The following ZSCAN5A variants were observed in gnomAD, a reference collection of about 807,000 sequenced individuals.
ZSCAN5A encodes zinc finger and SCAN domain-containing protein 5A.
Under a neutral mutation model 23.7 loss-of-function variants are expected in ZSCAN5A, and 12 were observed. That is an observed-to-expected ratio of 0.51 (90% CI 0.32 to 0.82). ZSCAN5A has a LOEUF of 0.82. Among genes scored for constraint, ZSCAN5A ranks in the 40% least tolerant of loss-of-function variants. The pLI, the probability that ZSCAN5A is intolerant of heterozygous loss-of-function variation, is 0.03. For synonymous variants in ZSCAN5A, 257 were observed against 239.9 expected, an observed-to-expected ratio of 1.07 and a Z score of -0.66; for missense variants, 597 against 617.9, an observed-to-expected ratio of 0.97 and a Z score of 0.36.
chr19:56,263,431 T>C (rs2037256853), intron 2 of ZSCAN5A: 3 of 152,260 alleles, frequency 2.0e-5, no homozygotes, highest in Admixed American at 2.0e-4. Flanking sequence ...CTTCCTTTCA[T>C]CTCCAAGCCA....
At chr19:56,325,189 TTATTA>T (rs2041421571) in intron 2 of ZSCAN5A, among the ~76,000 whole-genome samples, 1 of 152,248 alleles carries the variant, frequency 6.6e-6, no homozygotes, top group African/African-American at 2.4e-5. Context: ...ATCCATTTGC[TTATTA>T]TATAATTTGC....
At chr19:56,316,319 G>A (rs2041312030), upstream of ZSCAN5A, 1 of 152,180 alleles carries the variant, frequency 6.6e-6, no homozygotes, top group African/African-American at 2.4e-5. Context: ...GGTTAATTTC[G>A]GTGCTAAAAT....
intron 2 of ZSCAN5A, among the ~76,000 whole-genome samples, chr19:56,292,225 T>A (rs2039556787): frequency 6.6e-6 from 1 of 152,200 alleles, no homozygotes; most frequent in Admixed American, 6.5e-5. Flanking sequence ...GTAACATACA[T>A]CTTTTAAAAA....
chr19:56,232,576 T>C (rs1281332362), intron 2 of ZSCAN5A, among the ~76,000 whole-genome samples: 1 of 152,176 alleles, frequency 6.6e-6, no homozygotes, highest in Admixed American at 6.5e-5. Context: ...CAACTACCAG[T>C]ACTCATGGGC....
intron 2 of ZSCAN5A, among the ~76,000 whole-genome samples, chr19:56,336,735 A>G (rs1187712666): frequency 1.3e-5 from 2 of 151,956 alleles, no homozygotes; most frequent in Non-Finnish European, 2.9e-5. Flanking sequence ...TTGGTCTTTG[A>G]TGATGGTGAC....
At chr19:56,306,221 AG>A (rs1215358907) in intron 2 of ZSCAN5A, among the ~76,000 whole-genome samples, 2 of 152,234 alleles carry the variant, frequency 1.3e-5, no homozygotes, top group African/African-American at 4.8e-5. Flanking sequence ...CAGGGTACGG[AG>A]AGAAAGTACG....
chr19:56,226,125 G>T (rs536486511), intron 2 of ZSCAN5A, among the ~76,000 whole-genome samples: 6 of 152,198 alleles, frequency 3.9e-5, no homozygotes, highest in Middle Eastern at 3.4e-3. Flanking sequence ...GACACAGGTG[G>T]GGGAAGCAAC....
intron 2 of ZSCAN5A, among the ~76,000 whole-genome samples, chr19:56,243,078 C>T (rs986328533): frequency 6.6e-6 from 1 of 152,118 alleles, no homozygotes; most frequent in African/African-American, 2.4e-5. Flanking sequence ...CACACCTGGC[C>T]TCAAAAAATC....
Position 56,261,384 on chromosome 19 carries a change from T to C in ZSCAN5A, c.-127-36211A>G, listed in dbSNP as rs184044810. Reference sequence around the variant, plus strand: ...GCATCTAATCTGCCTCCATTAATCATGGAGGACTTCCTGAAGGAAGTGACA... The same window carrying C: ...GCATCTAATCTGCCTCCATTAATCACGGAGGACTTCCTGAAGGAAGTGACA... On this transcript the variant is annotated intron_variant, in intron 2 of 5. Coordinates refer to ENST00000683990, the MANE Select transcript of ZSCAN5A (RefSeq NM_001322064.3). Among the ~76,000 whole-genome samples, 286 of 152,226 alleles carry C rather than the reference T, an allele frequency of 1.9e-3. 1 individual carries two copies. Among genetic ancestry groups the C allele is most frequent in the Non-Finnish European group, 3.5e-3 (241 of 68,008 alleles).
At chr19:56,223,109 G>C (rs2011848) in intron 4 of ZSCAN5A, among the ~76,000 whole-genome samples, 95,034 of 151,912 alleles carry the variant, frequency 0.63, 30,576 homozygotes, top group Middle Eastern at 0.75. Flanking sequence ...GCATCACCCT[G>C]CTGGAGGGGG....
intron 2 of ZSCAN5A, among the ~76,000 whole-genome samples, chr19:56,241,506 C>T (rs1043742381): frequency 6.6e-6 from 1 of 152,202 alleles, no homozygotes; most frequent in Non-Finnish European, 1.5e-5. Context: ...GCATAATGTG[C>T]TTTGTAGGAT....
intron 2 of ZSCAN5A, among the ~76,000 whole-genome samples, chr19:56,349,463 G>C (rs1228456640): frequency 2.0e-5 from 3 of 152,226 alleles, no homozygotes; most frequent in Non-Finnish European, 4.4e-5. Flanking sequence ...TTGGGAGGCC[G>C]AGACGGGCGG....
intron 2 of ZSCAN5A, among the ~76,000 whole-genome samples, chr19:56,258,373 C>T (rs1181218090): frequency 7.6e-6 from 1 of 132,240 alleles, no homozygotes; most frequent in Non-Finnish European, 1.5e-5. Flanking sequence ...AAGGTCTCAC[C>T]TTCCAGTGTG....
intron 2 of ZSCAN5A, among the ~76,000 whole-genome samples, chr19:56,322,498 G>C (rs2041387109): frequency 6.6e-6 from 1 of 152,154 alleles, no homozygotes; most frequent in Non-Finnish European, 1.5e-5. Flanking sequence ...GTAATACTGG[G>C]GGCAAAATAT....
chr19:56,279,928 A>G (rs1457345952), intron 2 of ZSCAN5A, among the ~76,000 whole-genome samples: 1 of 151,998 alleles, frequency 6.6e-6, no homozygotes, highest in Non-Finnish European at 1.5e-5. Context: ...TTAAATTACT[A>G]ATTAATTATT....
intron 2 of ZSCAN5A, among the ~76,000 whole-genome samples, chr19:56,267,303 C>T (rs2037545172): frequency 6.6e-6 from 1 of 152,158 alleles, no homozygotes; most frequent in Non-Finnish European, 1.5e-5. Context: ...GCATCCCCAA[C>T]ACCGAGACTG....
chr19:56,224,376 T>C (rs1230738235), intron 3 of ZSCAN5A: 4 of 475,894 alleles, frequency 8.4e-6, no homozygotes, highest in African/African-American at 3.9e-5. Context: ...CCTGTCCATC[T>C]CCTACACCAG....
At chr19:56,303,227 C>T (rs575081973) in intron 2 of ZSCAN5A, among the ~76,000 whole-genome samples, 4 of 152,238 alleles carry the variant, frequency 2.6e-5, no homozygotes, top group Admixed American at 2.0e-4. Context: ...CGCTTGTCAT[C>T]GCAGCACTGT....
intron 2 of ZSCAN5A, among the ~76,000 whole-genome samples, chr19:56,336,040 G>C (rs1185185803): frequency 6.6e-6 from 1 of 152,098 alleles, no homozygotes; most frequent in Non-Finnish European, 1.5e-5. Flanking sequence ...TTCAACTTTG[G>C]TGAATCTGAC....
Sources: allele counts gnomAD v4.1 joint callset (sites outside exome capture counted in the v4.1 genomes callset), GRCh38; gene constraint gnomAD v4.1.1; transcripts MANE v1.5; gene names NCBI Gene and HGNC (gene_info 2026-07-23, HGNC 2026-07-21).